The following CEP63 variants were observed in gnomAD, a reference collection of about 807,000 sequenced individuals.
CEP63 encodes centrosomal protein 63, also known as centrosomal protein of 63 kDa.
CEP63 carries 84 observed loss-of-function variants against 89.1 expected under a neutral mutation model. The observed-to-expected ratio is 0.94, with a 90% confidence interval of 0.79 to 1.13. The LOEUF is 1.13. Ranked by LOEUF, CEP63 falls within the 50% of genes most tolerant of loss-of-function variation. The pLI, the probability that CEP63 is intolerant of heterozygous loss-of-function variation, is 0.00. For missense variants in CEP63, 838 were observed against 813.3 expected (o/e 1.03, Z -0.37); for synonymous variants, 267 against 272.5 (o/e 0.98, Z 0.20).
the CEP63 span, among the ~76,000 whole-genome samples, chr3:134,671,323 G>C: frequency 6.6e-6 from 1 of 152,120 alleles, no homozygotes; most frequent in South Asian, 2.1e-4. Context: ...ATAGACACTG[G>C]GGCCTCCAAA....
chr3:134,589,612 G>T (rs1253894936), downstream of CEP63, among the ~76,000 whole-genome samples: 1 of 150,604 alleles, frequency 6.6e-6, no homozygotes, highest in African/African-American at 2.4e-5. Context: ...TATTGGCAAG[G>T]GTGTGGAGGA....
intron 4 of CEP63, 46 bp from the exon 5 acceptor site, chr3:134,532,732 C>T (rs1322704220): frequency 1.3e-6 from 2 of 1,520,362 alleles, no homozygotes; most frequent in African/African-American, 1.4e-5. Context: ...ACCACTACTT[C>T]TTACAAATTC....
intron 3 of CEP63, among the ~76,000 whole-genome samples, chr3:134,520,891 C>T (rs1457877760): frequency 1.3e-5 from 2 of 151,880 alleles, no homozygotes; most frequent in African/African-American, 2.4e-5. Context: ...AGATGGATTA[C>T]GAATTTAAAT....
chr3:134,567,467 CAA>C (rs61700362), downstream of CEP63, among the ~76,000 whole-genome samples: 17 of 134,078 alleles, frequency 1.3e-4, no homozygotes, highest in African/African-American at 3.3e-4. Context: ...TCACTGTTAC[CAA>C]AAAAAAAAAA....
At chr3:134,613,398 C>G in the CEP63 span, among the ~76,000 whole-genome samples, 7 of 152,116 alleles carry the variant, frequency 4.6e-5, no homozygotes, top group African/African-American at 1.7e-4. Flanking sequence ...AGAGCCTGCC[C>G]CAGCCCTGGA....
rs747946881 is a variant in CEP63 at position 134,499,820 on chromosome 3, C to CTTTTTTTT, written c.44+4470_44+4477dup. 3.6e-4 allele frequency among the ~76,000 whole-genome samples: 36 copies of CTTTTTTTT among 99,102 alleles called. 1 individual carries two copies. Among genetic ancestry groups the CTTTTTTTT allele is most frequent in the East Asian group, 1.3e-3 (4 of 2,966 alleles). The allele number at this position is 99,102 out of a possible 152,430, so 65.0% of individuals were successfully genotyped here. On this transcript the variant is annotated intron_variant, in intron 2 of 14. Coordinates refer to ENST00000675561, the MANE Select transcript of CEP63 (RefSeq NM_001353108.3). ...CAGTGTCTGTTGTTCCCATCTTCATCTTTTTTTTTTTTTTTTTTTTTGAGA... is the reference window on the plus strand; with the variant it reads ...CAGTGTCTGTTGTTCCCATCTTCATCTTTTTTTTTTTTTTTTTTTTTTTTTTTTTGAGA...
At position 134,531,872 on chromosome 3, in the gene CEP63, G is replaced by T; in HGVS notation, c.250G>T (p.Glu84Ter). The T allele has an allele frequency of 1.2e-6, 2 of 1,613,500 alleles. No individual in the cohort carries two copies. The highest frequency in any genetic ancestry group is 2.2e-5 in the South Asian group (2 of 91,058). ...TGGAATGTTGCATCAGCAGGTAGAA[G>T]AACATGAAAAAATCAAGCAAGAGAT... Reference protein sequence around the residue: ...EVGMLHQQVEEHEKIKQEMTM... With the variant: ...EVGMLHQQVE Residue 84 changes from glutamate (E) to a stop codon, truncating the protein, a stop_gained, in exon 4 of 15, where the codon GAA becomes TAA. Transcript: ENST00000675561. LOFTEE classifies it high-confidence loss of function.
At chr3:134,493,433 G>C (rs1384640550) in intron 1 of CEP63, among the ~76,000 whole-genome samples, 1 of 151,720 alleles carries the variant, frequency 6.6e-6, no homozygotes, top group Admixed American at 6.6e-5. Flanking sequence ...TTGCATTGTA[G>C]TTGGACTGTA....
At chr3:134,756,392 G>A in the CEP63 span, among the ~76,000 whole-genome samples, 1 of 152,200 alleles carries the variant, frequency 6.6e-6, no homozygotes, top group South Asian at 2.1e-4. Flanking sequence ...TGCCCAGGCA[G>A]GAATGCAGTG....
At chr3:134,707,473 G>A in the CEP63 span, among the ~76,000 whole-genome samples, 8 of 152,338 alleles carry the variant, frequency 5.3e-5, no homozygotes, top group African/African-American at 1.4e-4. Flanking sequence ...GAGGAGATAA[G>A]GGATCTCTGT....
chr3:134,632,004 A>G, the CEP63 span, among the ~76,000 whole-genome samples: 1 of 152,098 alleles, frequency 6.6e-6, no homozygotes, highest in African/African-American at 2.4e-5. Context: ...TGGAGTTGCT[A>G]TGTTAATATC....
chr3:134,679,911 C>T, the CEP63 span, among the ~76,000 whole-genome samples: 24,781 of 152,162 alleles, frequency 0.16, 2,089 homozygotes, highest in Middle Eastern at 0.23. Context: ...TTTGTAGACA[C>T]GAGGTGTTGC....
downstream of CEP63, among the ~76,000 whole-genome samples, chr3:134,569,790 C>G (rs1423547233): frequency 1.3e-5 from 2 of 152,212 alleles, no homozygotes; most frequent in Non-Finnish European, 2.9e-5. Flanking sequence ...ATTTCCCTTT[C>G]GCACTGCCCT....
In CEP63 at chr3:134,587,611, G is replaced by A. The variant is rs138116124; in HGVS notation, c.1360G>A (p.Gly454Ser). 5.0e-3 allele frequency among the ~76,000 whole-genome samples: 757 copies of A among 152,136 alleles called. 2 individuals are homozygous for A. The highest frequency in any genetic ancestry group is 8.9e-3 in the South Asian group (43 of 4,820). ...CACCTGCCTGTATGAGGTGTCTGTC[G>A]GCCCCTACTGGGAGGTGTCTCTCTG... Residue 454 changes from glycine to serine, a missense_variant, in exon 11 of 11, where the codon GGC becomes AGC. Coordinates refer to the CEP63 transcript ENST00000683931.
chr3:134,497,213 A>G (rs1485976101), intron 2 of CEP63, among the ~76,000 whole-genome samples: 1 of 152,152 alleles, frequency 6.6e-6, no homozygotes, highest in Non-Finnish European at 1.5e-5. Flanking sequence ...CTCCCATTCT[A>G]CAAGTTGTCT....
intron 4 of CEP63, among the ~76,000 whole-genome samples, chr3:134,532,422 A>G (rs1463803741): frequency 5.9e-5 from 9 of 152,204 alleles, no homozygotes; most frequent in Non-Finnish European, 5.9e-5. Flanking sequence ...TGCATCCTGA[A>G]TATCAGTGCC....
the CEP63 span, among the ~76,000 whole-genome samples, chr3:134,658,110 A>G: frequency 6.6e-6 from 1 of 152,078 alleles, no homozygotes; most frequent in African/African-American, 2.4e-5. Flanking sequence ...GTTAGCCAGG[A>G]TAGTCTCGAT....
chr3:134,608,169 CT>C, the CEP63 span: 1 of 1,161,920 alleles, frequency 8.6e-7, no homozygotes, highest in Non-Finnish European at 1.1e-6. Flanking sequence ...GCCATGTATT[CT>C]CTCCAGCAGG....
At chr3:134,661,414 G>A in the CEP63 span, among the ~76,000 whole-genome samples, 2 of 151,986 alleles carry the variant, frequency 1.3e-5, no homozygotes, top group African/African-American at 2.4e-5. Context: ...ATCCAATTAC[G>A]ATTCCTTCAT....
Sources: gnomAD v4.1 joint callset for allele counts (sites outside exome capture counted in the v4.1 genomes callset) on GRCh38, gnomAD v4.1.1 for gene constraint, MANE v1.5 for transcripts, NCBI Gene and HGNC (gene_info 2026-07-23, HGNC 2026-07-21) for gene names.